Variants in CLIP2 observed in about 807,000 individuals in gnomAD.
The protein encoded by CLIP2 is CAP-Gly domain-containing linker protein 2.
In CLIP2, 41 loss-of-function variants were observed where a neutral mutation model predicts 111.7. That is an observed-to-expected ratio of 0.37 (90% confidence interval 0.29 to 0.48). The LOEUF is 0.48. Ranked by LOEUF, CLIP2 falls within the 20% of genes least tolerant of loss-of-function variation. CLIP2 has a pLI of 0.99. For synonymous variants in CLIP2, 660 were observed against 644.2 expected, an observed-to-expected ratio of 1.02 and a Z score of -0.37; for missense variants, 1,160 against 1,422.1, an observed-to-expected ratio of 0.82 and a Z score of 2.96.
At chr7:74,323,371 C>A (rs1339710930) in intron 2 of CLIP2, among the ~76,000 whole-genome samples, 1 of 151,712 alleles carries the variant, frequency 6.6e-6, no homozygotes, top group Non-Finnish European at 1.5e-5. Flanking sequence ...CTCAGCCTAC[C>A]AAAGGGCGTG....
chr7:74,389,420 A>G (rs1442545972), intron 13 of CLIP2, 161 bp downstream of exon 13: 7 of 664,362 alleles, frequency 1.1e-5, no homozygotes, highest in South Asian at 4.2e-5. Flanking sequence ...AAGCTCCGAT[A>G]AAGTCTCCAA....
At chr7:74,366,463 C>A (rs1790471962) in intron 8 of CLIP2, among the ~76,000 whole-genome samples, 1 of 152,226 alleles carries the variant, frequency 6.6e-6, no homozygotes, top group Non-Finnish European at 1.5e-5. Context: ...TTGACATCTC[C>A]ACCCAATTGA....
intron 10 of CLIP2, chr7:74,379,979 C>T (rs1790896873): frequency 6.6e-6 from 1 of 152,038 alleles, no homozygotes; most frequent in Admixed American, 6.6e-5. Context: ...TTAGTGTGAG[C>T]CTCATTACTG....
intron 2 of CLIP2, among the ~76,000 whole-genome samples, chr7:74,318,577 G>A (rs182183489): frequency 1.0e-3 from 152 of 152,212 alleles, no homozygotes; most frequent in African/African-American, 3.5e-3. Context: ...GTCGGGCATG[G>A]TGGCGGGCGC....
At chr7:74,361,144 C>T (rs1790315201) in intron 7 of CLIP2, among the ~76,000 whole-genome samples, 2 of 134,100 alleles carry the variant, frequency 1.5e-5, no homozygotes, top group African/African-American at 5.6e-5. Flanking sequence ...TCATTCCTTC[C>T]TTCCTTCTTC....
intron 13 of CLIP2, among the ~76,000 whole-genome samples, chr7:74,391,409 G>C (rs1791289786): frequency 6.6e-6 from 1 of 152,164 alleles, no homozygotes; most frequent in Non-Finnish European, 1.5e-5. Context: ...AAGGTTTTAA[G>C]GGACCCACTG....
intron 13 of CLIP2, among the ~76,000 whole-genome samples, chr7:74,396,645 C>T (rs1037272082): frequency 2.0e-5 from 3 of 152,072 alleles, no homozygotes; most frequent in African/African-American, 7.2e-5. Flanking sequence ...CTCAGCTGCC[C>T]GAGTACCTGG....
At chr7:74,302,302 G>A (rs1342474311) in intron 1 of CLIP2, among the ~76,000 whole-genome samples, 2 of 151,600 alleles carry the variant, frequency 1.3e-5, no homozygotes, top group African/African-American at 2.4e-5. Flanking sequence ...TGCAACCTCC[G>A]CCTCCCTGGT....
chr7:74,329,260 T>A (rs1789210010), intron 2 of CLIP2, among the ~76,000 whole-genome samples: 1 of 151,796 alleles, frequency 6.6e-6, no homozygotes, highest in Non-Finnish European at 1.5e-5. Context: ...AAAGTCTCGC[T>A]ATGTTGCCTC....
intron 1 of CLIP2, among the ~76,000 whole-genome samples, chr7:74,305,574 A>G (rs1788455670): frequency 6.6e-6 from 1 of 152,034 alleles, no homozygotes; most frequent in South Asian, 2.1e-4. Flanking sequence ...GCTCACTGCA[A>G]TCTCTGCCTC....
At chr7:74,326,653 T>A (rs80068327) in intron 2 of CLIP2, among the ~76,000 whole-genome samples, 1 of 151,912 alleles carries the variant, frequency 6.6e-6, no homozygotes, top group Non-Finnish European at 1.5e-5. Context: ...TTTTTTTTTT[T>A]TGAGACGGAA....
chr7:74,396,135 C>T (rs750183116), intron 13 of CLIP2, among the ~76,000 whole-genome samples: 8 of 152,200 alleles, frequency 5.3e-5, no homozygotes, highest in Non-Finnish European at 8.8e-5. Context: ...CATTACCAAT[C>T]GATCACTGCA....
chr7:74,396,235 G>A lies in CLIP2; in HGVS notation c.2721-839G>A, dbSNP rs1279147329. On this transcript the variant is annotated intron_variant, in intron 13 of 16. Transcript: ENST00000223398. Reference sequence around the variant, plus strand: ...CTGTCAGTTGATTAAGAGGTGACATGGGAGATAAAACCCATTTGACATCAG... The same window carrying A: ...CTGTCAGTTGATTAAGAGGTGACATAGGAGATAAAACCCATTTGACATCAG... Among the ~76,000 whole-genome samples the A allele has an allele frequency of 3.9e-5, 6 of 152,268 alleles. 1 individual carries two copies. Among genetic ancestry groups the A allele is most frequent in the African/African-American group, 1.4e-4 (6 of 41,568 alleles).
At chr7:74,362,532 T>TC (rs1304152847) in intron 7 of CLIP2, among the ~76,000 whole-genome samples, 10 of 146,758 alleles carry the variant, frequency 6.8e-5, no homozygotes, top group South Asian at 2.2e-4. Context: ...TCTTTTCTTT[T>TC]TTTTTTTTTT....
At chr7:74,300,873 A>C (rs1479777615) in intron 1 of CLIP2, among the ~76,000 whole-genome samples, 2 of 152,112 alleles carry the variant, frequency 1.3e-5, no homozygotes, top group Non-Finnish European at 2.9e-5. Flanking sequence ...GCTCTTGTGA[A>C]TTGTGCTGTG....
In CLIP2 at chr7:74,353,908, G is replaced by A. The variant is rs150032298; in HGVS notation, c.707G>A (p.Arg236Gln). ...GGCGGGACGAAGACTGGCGTGGTGC[G>A]GTACGTGGGGGAGACAGACTTTGCC... Reference protein sequence around the residue: ...LVGGTKTGVVRYVGETDFAKG... With the variant: ...LVGGTKTGVVQYVGETDFAKG... The change falls in exon 4 of 17, where the codon CGG (arginine) becomes CAG (glutamine). Residue 236 changes from arginine (R) to glutamine (Q), a missense_variant. Arg to Gln is a conservative substitution (Grantham distance 43, BLOSUM62 1). This residue lies in a region of CLIP2 where 110 missense variants were observed against 185.2 expected (regional missense o/e 0.59). Coordinates refer to ENST00000223398, the MANE Select transcript of CLIP2 (RefSeq NM_003388.5). 165 of 1,614,086 alleles carry A rather than the reference G, an allele frequency of 1.0e-4. No homozygotes were observed. Among genetic ancestry groups the A allele is most frequent in the Non-Finnish European group, 1.3e-4 (154 of 1,180,044 alleles).
intron 13 of CLIP2, among the ~76,000 whole-genome samples, chr7:74,389,781 C>T (rs1791222721): frequency 6.6e-6 from 1 of 151,548 alleles, no homozygotes; most frequent in Non-Finnish European, 1.5e-5. Flanking sequence ...TGCCTGTAGT[C>T]CCAGCTACTC....
chr7:74,336,860 G>GTTTTTTTTTTTTTTTT (rs376463523), intron 2 of CLIP2, among the ~76,000 whole-genome samples: 4 of 140,584 alleles, frequency 2.8e-5, no homozygotes, highest in Non-Finnish European at 4.6e-5. Flanking sequence ...TGTTTTTTTT[G>GTTTTTTTTTTTTTTTT]TTTTTTTTTT....
intron 7 of CLIP2, among the ~76,000 whole-genome samples, chr7:74,362,480 C>T (rs1175818785): frequency 3.3e-5 from 5 of 151,396 alleles, no homozygotes; most frequent in African/African-American, 4.8e-5. Context: ...GTTCCCATGG[C>T]GATGTGCCTG....
Sources: allele counts gnomAD v4.1 joint callset (sites outside exome capture counted in the v4.1 genomes callset), GRCh38; gene constraint gnomAD v4.1.1; regional missense constraint gnomAD v4.1.1; transcripts MANE v1.5; gene names NCBI Gene and HGNC (gene_info 2026-07-23, HGNC 2026-07-21).